The following KCNB2 variants were observed in gnomAD, a reference collection of about 807,000 sequenced individuals.
KCNB2 encodes delayed rectifier potassium channel protein.
Under a neutral mutation model 61.5 loss-of-function variants are expected in KCNB2, and 15 were observed. The observed-to-expected ratio is 0.24, with a 90% CI of 0.16 to 0.38. The LOEUF (loss-of-function observed/expected upper bound fraction) is 0.38, where lower values mean the gene tolerates loss of function less well. Among genes scored for constraint, KCNB2 ranks in the 10% least tolerant of loss-of-function variants. The probability of loss-of-function intolerance (pLI) is 1.00; values close to 1 mark genes in which losing one functional copy is unlikely to be tolerated. For synonymous variants in KCNB2, 457 were observed against 446.0 expected (o/e 1.02, Z -0.31); for missense variants, 828 against 1,125.2 (o/e 0.74, Z 3.78).
At chr8:72,894,943 T>C (rs1805966488) in intron 2 of KCNB2, among the ~76,000 whole-genome samples, 1 of 152,148 alleles carries the variant, frequency 6.6e-6, no homozygotes, top group South Asian at 2.1e-4. Context: ...AATTTTCATG[T>C]TGTTTCCCTA....
rs1806922834 is a variant in KCNB2, at chr8:72,937,095, G to A, written c.1740G>A (p.Val580=). 1.2e-6 allele frequency: 2 copies of A among 1,614,040 alleles called. No homozygotes were observed. The highest frequency in any genetic ancestry group is 1.3e-5 in the African/African-American group (1 of 74,930). The change falls in exon 3 of 3, where the codon GTG becomes GTA. Residue 580 remains valine (V), a synonymous_variant. Transcript: ENST00000523207. ...AAGAGATTGAAATGGAAGAAGTGGTGTGTCCACAGGAGCAGCTGGCCGTGG... is the reference window on the plus strand; with the variant it reads ...AAGAGATTGAAATGGAAGAAGTGGTATGTCCACAGGAGCAGCTGGCCGTGG... ...YEEEIEMEEV[V]CPQEQLAVAQ... is the part of the protein sequence containing the mutation.
intron 2 of KCNB2, among the ~76,000 whole-genome samples, chr8:72,600,526 TG>T (rs767475737): frequency 3.3e-5 from 5 of 151,846 alleles, no homozygotes; most frequent in Admixed American, 6.6e-5. Context: ...CACACTAACA[TG>T]GCACATGTAT....
intron 2 of KCNB2, among the ~76,000 whole-genome samples, chr8:72,755,749 T>C (rs1808279117): frequency 6.6e-6 from 1 of 152,190 alleles, no homozygotes; most frequent in Admixed American, 6.5e-5. Context: ...TGCTGCTTGT[T>C]TTATAAGGCA....
At position 72,926,543 on chromosome 8, in the gene KCNB2, G is replaced by A. The variant is rs548907783; in HGVS notation, c.580-9392G>A. On this transcript the variant is annotated intron_variant, in intron 2 of 2. Transcript: ENST00000523207. ...TGGTTTGCTGCACAGATCATCCCATGACTTAGATATTAAGCCCAGCACCCA... is the reference window on the plus strand; with the variant it reads ...TGGTTTGCTGCACAGATCATCCCATAACTTAGATATTAAGCCCAGCACCCA... Among the ~76,000 whole-genome samples, 17 of 152,160 alleles carry A rather than the reference G, an allele frequency of 1.1e-4. No homozygotes were observed. In the South Asian group the frequency reaches 3.5e-3, roughly 32 times the overall value.
Position 72,590,180 on chromosome 8 carries a change from A to G in KCNB2, c.579+21867A>G, listed in dbSNP as rs981467681. Among the ~76,000 whole-genome samples, 17 of 152,224 alleles carry G rather than the reference A, an allele frequency of 1.1e-4. No individual in the cohort carries two copies. In the East Asian group the frequency reaches 1.2e-3, roughly 10 times the overall value. On this transcript the variant is annotated intron_variant, in intron 2 of 2. Transcript: ENST00000523207. ...TCAAAATTTTAAAGCAATTTTAACC[A>G]TAAGTAATTTAATGACCTAAGAATT... is the stretch of plus-strand genomic sequence containing the variant.
intron 2 of KCNB2, among the ~76,000 whole-genome samples, chr8:72,884,684 T>C (rs113207707): frequency 0.014 from 2,157 of 152,298 alleles, 46 homozygotes; most frequent in African/African-American, 0.044. Flanking sequence ...ATCTTTTCCA[T>C]GCTTATCTGC....
At chr8:72,602,126 A>G (rs943014588) in intron 2 of KCNB2, among the ~76,000 whole-genome samples, 13 of 152,178 alleles carry the variant, frequency 8.5e-5, no homozygotes, top group African/African-American at 2.9e-4. Flanking sequence ...AAAGTATTCT[A>G]TTTAGCTTAG....
intron 2 of KCNB2, among the ~76,000 whole-genome samples, chr8:72,862,309 T>A (rs1805432898): frequency 1.3e-5 from 2 of 152,196 alleles, no homozygotes; most frequent in African/African-American, 4.8e-5. Context: ...GTTAAACAAA[T>A]AATTAGTTTT....
chr8:72,670,054 A>G (rs1806537984), intron 2 of KCNB2, among the ~76,000 whole-genome samples: 3 of 152,190 alleles, frequency 2.0e-5, no homozygotes, highest in Non-Finnish European at 4.4e-5. Flanking sequence ...CAGTTTTTTC[A>G]TTAGTAGCAT....
intron 2 of KCNB2, among the ~76,000 whole-genome samples, chr8:72,596,887 A>G (rs992976651): frequency 2.0e-4 from 30 of 151,774 alleles, no homozygotes; most frequent in African/African-American, 7.0e-4. Flanking sequence ...TTTACCTCCT[A>G]AGGATTTTCT....
chr8:72,546,967 C>G (rs995188892), intron 1 of KCNB2, among the ~76,000 whole-genome samples: 91 of 152,210 alleles, frequency 6.0e-4, no homozygotes, highest in Middle Eastern at 3.2e-3. Flanking sequence ...CTTCAAAGGA[C>G]AGGCTTACTC....
intron 2 of KCNB2, among the ~76,000 whole-genome samples, chr8:72,621,114 T>C (rs979410931): frequency 6.6e-6 from 1 of 152,144 alleles, no homozygotes; most frequent in African/African-American, 2.4e-5. Context: ...ATACAAGAAA[T>C]AAGATCACAA....
At chr8:72,605,166 A>G (rs1408109196) in intron 2 of KCNB2, among the ~76,000 whole-genome samples, 10 of 152,206 alleles carry the variant, frequency 6.6e-5, no homozygotes, top group Non-Finnish European at 1.5e-5. Flanking sequence ...GTAAAAAGTC[A>G]CTTGGGGAAA....
intron 2 of KCNB2, among the ~76,000 whole-genome samples, chr8:72,726,998 CCTCT>C (rs540812707): frequency 1.3e-5 from 2 of 152,156 alleles, no homozygotes; most frequent in East Asian, 3.9e-4. Context: ...TCTCTATTTG[CCTCT>C]CTTTCTGCTT....
At position 72,567,977 on chromosome 8, in the gene KCNB2, T is replaced by A. The variant is rs1224792403; in HGVS notation, c.243T>A (p.Asn81Lys). Residue 81 changes from asparagine (N) to lysine (K), a missense_variant, in exon 2 of 3, where the codon AAT (asparagine) becomes AAA (lysine). Asn to Lys is a moderately conservative substitution (Grantham distance 94). Transcript: ENST00000523207. Reference sequence around the variant, plus strand: ...TCCTGGAAGTGTGCGACGACTATAATCTGAACGAGAACGAGTATTTCTTTG... The same window carrying A: ...TCCTGGAAGTGTGCGACGACTATAAACTGAACGAGAACGAGTATTTCTTTG... ...ESLLEVCDDY[N>K]LNENEYFFDR... 1 of 1,614,064 alleles carries A rather than the reference T, an allele frequency of 6.2e-7. No individual in the cohort carries two copies. Among genetic ancestry groups the A allele is most frequent in the Admixed American group, 1.7e-5 (1 of 60,002 alleles).
At chr8:72,546,472 G>C (rs1448057875) in intron 1 of KCNB2, among the ~76,000 whole-genome samples, 31 of 150,996 alleles carry the variant, frequency 2.1e-4, no homozygotes, top group African/African-American at 7.6e-4. Flanking sequence ...AGCCGAGATT[G>C]CACCACTGCA....
intron 2 of KCNB2, among the ~76,000 whole-genome samples, chr8:72,634,505 A>C (rs998085641): frequency 2.0e-5 from 3 of 152,204 alleles, no homozygotes; most frequent in African/African-American, 7.2e-5. Flanking sequence ...TACCAACAAA[A>C]TGAATCAATT....
chr8:72,657,309 TAGAA>T (rs1563550763), intron 2 of KCNB2, among the ~76,000 whole-genome samples: 1 of 152,126 alleles, frequency 6.6e-6, no homozygotes, highest in African/African-American at 2.4e-5. Context: ...AGCAAATTCT[TAGAA>T]AAGAAGCCAC....
intron 2 of KCNB2, among the ~76,000 whole-genome samples, chr8:72,699,309 C>T (rs1450558648): frequency 1.3e-5 from 2 of 151,898 alleles, no homozygotes; most frequent in African/African-American, 4.8e-5. Context: ...GATGTTATCT[C>T]GTTGTGGTTT....
Sources: gnomAD v4.1 joint callset for allele counts (sites outside exome capture counted in the v4.1 genomes callset) on GRCh38, gnomAD v4.1.1 for gene constraint, MANE v1.5 for transcripts, NCBI Gene and HGNC (gene_info 2026-07-23, HGNC 2026-07-21) for gene names.